ERG: variants seen among roughly 807,000 people sequenced by gnomAD.
ERG encodes transcriptional regulator ERG.
Under a neutral mutation model 55.3 loss-of-function variants are expected in ERG, and 9 were observed. That is an observed-to-expected ratio of 0.16 (90% CI 0.10 to 0.28). The LOEUF is 0.28. Among genes scored for constraint, ERG ranks in the 10% least tolerant of loss-of-function variants. The probability of loss-of-function intolerance (pLI) is 1.00; values close to 1 mark genes in which losing one functional copy is unlikely to be tolerated. For missense variants in ERG, 434 were observed against 631.6 expected (o/e 0.69, Z 3.35); for synonymous variants, 223 against 237.3 (o/e 0.94, Z 0.55).
intron 3 of ERG, among the ~76,000 whole-genome samples, chr21:38,414,540 A>G (rs1457848207): frequency 6.6e-6 from 1 of 152,190 alleles, no homozygotes; most frequent in East Asian, 1.9e-4. Flanking sequence ...GGTACTGTTT[A>G]AGCATGTCAC....
downstream of ERG, among the ~76,000 whole-genome samples, chr21:38,377,909 C>T (rs111425160): frequency 1.1e-4 from 16 of 152,266 alleles, no homozygotes; most frequent in Middle Eastern, 3.4e-3. Flanking sequence ...GGGTGGTCTT[C>T]CTCATAAGTG....
intron 1 of ERG, among the ~76,000 whole-genome samples, chr21:38,597,380 A>G (rs2060137501): frequency 6.6e-6 from 1 of 152,076 alleles, no homozygotes; most frequent in African/African-American, 2.4e-5. Context: ...ATATAAACAC[A>G]CGTGTGTGTA....
intron 9 of ERG, among the ~76,000 whole-genome samples, chr21:38,389,836 A>AT (rs1860841676): frequency 6.6e-6 from 1 of 152,158 alleles, no homozygotes; most frequent in Non-Finnish European, 1.5e-5. Flanking sequence ...TTTTCTTTAG[A>AT]TTTTCAGCTG....
rs111526650 is a variant in ERG at position 38,390,613 on chromosome 21, G to C, written c.919+382C>G. ...GAGATGATGGCTATCTGTAAGCCAG[G>C]GAGAGCCCCCAGGACAGATCCCTCC... On this transcript the variant is annotated intron_variant, in intron 9 of 9. Transcript: ENST00000288319. Among the ~76,000 whole-genome samples the C allele has an allele frequency of 5.2e-3, 797 of 152,256 alleles. 3 individuals carry two copies. The highest frequency in any genetic ancestry group is 8.8e-3 in the Non-Finnish European group (596 of 68,008).
the ERG span, among the ~76,000 whole-genome samples, chr21:38,368,777 G>A: frequency 2.0e-5 from 3 of 150,284 alleles, no homozygotes; most frequent in Admixed American, 6.6e-5. Context: ...CACCCTCCCC[G>A]CTCTGAAAGG....
intron 1 of ERG, among the ~76,000 whole-genome samples, chr21:38,641,730 G>GA (rs72034132): frequency 3.4e-4 from 50 of 145,338 alleles, no homozygotes; most frequent in South Asian, 1.1e-3. Flanking sequence ...AAATTAGTGT[G>GA]AAAAAAAAAA....
At chr21:38,462,282 C>T (rs895703424) in intron 1 of ERG, among the ~76,000 whole-genome samples, 23 of 152,126 alleles carry the variant, frequency 1.5e-4, no homozygotes, top group African/African-American at 5.6e-4. Flanking sequence ...TGCACCTGGC[C>T]TTGTTATTGT....
chr21:38,391,339 C>T (rs995092897), intron 8 of ERG, among the ~76,000 whole-genome samples: 1 of 152,148 alleles, frequency 6.6e-6, no homozygotes, highest in African/African-American at 2.4e-5. Flanking sequence ...TGTGCCAAGC[C>T]CCATCAATCC....
chr21:38,495,235 C>T (rs2059369888), intron 1 of ERG, among the ~76,000 whole-genome samples: 1 of 152,188 alleles, frequency 6.6e-6, no homozygotes, highest in Admixed American at 6.5e-5. Flanking sequence ...TCAAGAAGTG[C>T]AAATGTGCAG....
Position 38,573,370 on chromosome 21 carries a change from A to ACTTC in ERG, c.-41+2291_-41+2292insGAAG, listed in dbSNP as rs556185473. On this transcript the variant is annotated intron_variant, in intron 2 of 8. Transcript: ENST00000398897. Reference sequence around the variant, plus strand: ...CTTGCAGTTGAGATAGAGGAAGGCCACTGTCTCCTGTCTGCCCCTGGGAAC... The same window carrying ACTTC: ...CTTGCAGTTGAGATAGAGGAAGGCCACTTCCTGTCTCCTGTCTGCCCCTGGGAAC... Among the ~76,000 whole-genome samples, 12 of 152,358 alleles carry ACTTC rather than the reference A, an allele frequency of 7.9e-5. No individual in the cohort carries two copies. The East Asian group carries it at 2.1e-3, about 27-fold the overall frequency.
intron 1 of ERG, among the ~76,000 whole-genome samples, chr21:38,629,426 A>AT (rs1308258051): frequency 1.3e-5 from 2 of 152,202 alleles, no homozygotes; most frequent in Non-Finnish European, 1.5e-5. Flanking sequence ...GATAACATTG[A>AT]TTTTTTAAAA....
intron 2 of ERG, 71 bp from the exon 3 acceptor site, chr21:38,423,632 A>T: frequency 6.8e-7 from 1 of 1,472,032 alleles, no homozygotes; most frequent in Non-Finnish European, 9.3e-7. Flanking sequence ...TTCTCACAAT[A>T]CACAGAGAGA....
intron 1 of ERG, among the ~76,000 whole-genome samples, chr21:38,597,460 T>A (rs2060138031): frequency 8.7e-6 from 1 of 114,828 alleles, no homozygotes; most frequent in African/African-American, 3.3e-5. Context: ...TAGAGAGATA[T>A]CTATATATAT....
At chr21:38,585,346 C>G (rs954896354), upstream of ERG, among the ~76,000 whole-genome samples, 1 of 151,940 alleles carries the variant, frequency 6.6e-6, no homozygotes, top group Non-Finnish European at 1.5e-5. Context: ...GAAAACATCC[C>G]GAGAACTGTA....
chr21:38,430,485 A>C (rs1053594668), intron 2 of ERG, among the ~76,000 whole-genome samples: 6 of 152,288 alleles, frequency 3.9e-5, no homozygotes, highest in African/African-American at 1.4e-4. Context: ...TGTTATTCTC[A>C]AATTTACATT....
chr21:38,574,456 C>A (rs1428691204), intron 2 of ERG, among the ~76,000 whole-genome samples: 2 of 152,198 alleles, frequency 1.3e-5, no homozygotes, highest in Admixed American at 6.5e-5. Context: ...CCTAGAGTTA[C>A]CACAATCTCT....
chr21:38,533,745 C>T (rs564298350), intron 2 of ERG, among the ~76,000 whole-genome samples: 4 of 152,288 alleles, frequency 2.6e-5, no homozygotes, highest in African/African-American at 9.6e-5. Context: ...TATCATGCCG[C>T]AAAGGGCGTA....
Position 38,608,240 on chromosome 21 carries a change from A to G in ERG, c.-149-23295T>C, listed in dbSNP as rs80201989. ...AAACAGAAAAGTTTAACATACATTTACTGAAAAAGATATACCTGATATAAC... is the reference window on the plus strand; with the variant it reads ...AAACAGAAAAGTTTAACATACATTTGCTGAAAAAGATATACCTGATATAAC... On this transcript the variant is annotated intron_variant, in intron 1 of 10. Coordinates refer to the ERG transcript ENST00000398910. Among the ~76,000 whole-genome samples the G allele has an allele frequency of 1.0e-2, 1,521 of 152,330 alleles. 31 individuals carry two copies. Among genetic ancestry groups the G allele is most frequent in the African/African-American group, 0.034 (1,427 of 41,578 alleles).
upstream of ERG, among the ~76,000 whole-genome samples, chr21:38,498,833 T>C (rs2059400491): frequency 6.6e-6 from 1 of 152,154 alleles, no homozygotes; most frequent in Admixed American, 6.5e-5. The surrounding 1 kb of genome is among the most constrained non-coding windows in gnomAD (Gnocchi z 4.6). Flanking sequence ...CTGCCCTGGG[T>C]GTCAGCCCTT....
Sources: gnomAD v4.1 joint callset for allele counts (sites outside exome capture counted in the v4.1 genomes callset) on GRCh38, gnomAD v4.1.1 for gene constraint, Gnocchi (gnomAD v3.1) non-coding constraint, MANE v1.5 for transcripts, NCBI Gene and HGNC (gene_info 2026-07-23, HGNC 2026-07-21) for gene names.